Variants in RPRD1B observed in about 807,000 individuals in gnomAD.
The protein encoded by RPRD1B is regulation of nuclear pre-mRNA domain containing 1B, also known as regulation of nuclear pre-mRNA domain-containing protein 1B.
A neutral mutation model predicts 41.5 loss-of-function variants in RPRD1B; 11 were observed. The ratio of observed to expected loss-of-function variants is 0.27; its 90% confidence interval spans 0.17 to 0.44. RPRD1B has a LOEUF of 0.44. Among genes scored for constraint, RPRD1B ranks in the 20% least tolerant of loss-of-function variants. The probability of loss-of-function intolerance (pLI) is 1.00; values close to 1 mark genes in which losing one functional copy is unlikely to be tolerated. For synonymous variants in RPRD1B, 158 were observed against 155.6 expected (o/e 1.02, Z -0.12); for missense variants, 248 against 389.9 (o/e 0.64, Z 3.06).
At position 38,048,490 on chromosome 20, in the gene RPRD1B, A is replaced by C. The variant is rs942327726; in HGVS notation, c.415+9A>C. 1.3e-6 allele frequency: 2 copies of C among 1,598,268 alleles called. No individual in the cohort carries two copies. Among genetic ancestry groups the C allele is most frequent in the Non-Finnish European group, 1.7e-6 (2 of 1,168,430 alleles). On this transcript the variant is annotated intron_variant, in intron 3 of 6. Coordinates refer to ENST00000373433, the MANE Select transcript of RPRD1B (RefSeq NM_021215.4). ...GAGCCCTCCCCCCAAAGGTAGAAAC[A>C]TCACCACATGTTTACAGCTCTTGGT...
rs979479330 is a variant in RPRD1B, at chr20:38,040,695, G to C, written c.281+131G>C. On this transcript the variant is annotated intron_variant, in intron 2 of 6. Transcript: ENST00000373433. ...TACAGAGAGTTGTGGAGGCCGAATT[G>C]TGGTTTTATGTTTTGTTGAGCCCTC... The C allele has an allele frequency of 2.4e-5, 22 of 922,504 alleles. No homozygotes were observed. The South Asian group carries it at 4.0e-4, about 17-fold the overall frequency. The allele number at this position is 922,504 out of a possible 1,614,324, so 57.1% of individuals were successfully genotyped here.
intron 2 of RPRD1B, among the ~76,000 whole-genome samples, chr20:38,042,584 A>C (rs1600679655): frequency 6.6e-6 from 1 of 151,832 alleles, no homozygotes; most frequent in South Asian, 2.1e-4. Context: ...TTCTGTTTGC[A>C]TTCTGGTTCT....
At chr20:38,070,835 G>C in intron 6 of RPRD1B, 3 of 607,950 alleles carry the variant, frequency 4.9e-6, no homozygotes, top group Non-Finnish European at 6.1e-6. Flanking sequence ...GGGTTCAAGC[G>C]ATTCTCGTGC....
intron 6 of RPRD1B, among the ~76,000 whole-genome samples, chr20:38,082,472 C>T (rs1430146546): frequency 2.0e-5 from 3 of 152,144 alleles, no homozygotes; most frequent in Admixed American, 6.5e-5. Context: ...GTGCAAGCCC[C>T]GCCTCCCAGA....
rs1463011126 is a variant in RPRD1B at position 38,090,765 on chromosome 20, G to A, written c.*890G>A. On this transcript the variant is annotated 3_prime_UTR_variant, in exon 7 of 7. Coordinates refer to ENST00000373433, the MANE Select transcript of RPRD1B (RefSeq NM_021215.4). ...TGCTGCATTTGGGATCTGTGTGGGT[G>A]TTTCTTGGACCCTTTCTTCTGGGAG... 1.0e-6 allele frequency: 1 copy of A among 985,504 alleles called. No individual in the cohort carries two copies. Among genetic ancestry groups the A allele is most frequent in the African/African-American group, 1.7e-5 (1 of 57,378 alleles). 61.0% of individuals were successfully genotyped at this position (985,504 alleles called of 1,614,324 possible).
intron 5 of RPRD1B, among the ~76,000 whole-genome samples, chr20:38,059,730 T>C (rs1568652520): frequency 6.6e-6 from 1 of 152,244 alleles, no homozygotes; most frequent in Admixed American, 6.5e-5. Context: ...CTAGGAATTA[T>C]TGCAGAAATG....
In RPRD1B at chr20:38,033,836, G is replaced by T; in HGVS notation, c.-112G>T. Reference sequence around the variant, plus strand: ...TTCTCGCACCCCTGGCAGTCTGTCAGTCGGTAAAAAGTCCCGCAGCCTGTC... The same window carrying T: ...TTCTCGCACCCCTGGCAGTCTGTCATTCGGTAAAAAGTCCCGCAGCCTGTC... On this transcript the variant is annotated 5_prime_UTR_variant, in exon 1 of 7. Transcript: ENST00000373433. 9.0e-7 allele frequency: 1 copy of T among 1,105,568 alleles called. No individual in the cohort carries two copies. The allele number at this position is 1,105,568 out of a possible 1,614,324, so 68.5% of individuals were successfully genotyped here. A position where few individuals can be genotyped will look rare whatever the true frequency, so the allele number is the denominator to read the frequency against.
intron 5 of RPRD1B, chr20:38,065,855 T>C (rs2074349292): frequency 4.9e-6 from 2 of 406,388 alleles, no homozygotes; most frequent in Admixed American, 4.1e-5. Flanking sequence ...ATTCCCCCCA[T>C]GTACAGCTTC....
intron 2 of RPRD1B, among the ~76,000 whole-genome samples, chr20:38,047,871 A>G (rs1042245454): frequency 5.3e-5 from 8 of 152,190 alleles, no homozygotes; most frequent in African/African-American, 1.7e-4. Flanking sequence ...TGACATATAC[A>G]TGTATGTGAT....
intron 6 of RPRD1B, among the ~76,000 whole-genome samples, chr20:38,086,884 T>TC (rs1366297855): frequency 6.6e-6 from 1 of 152,152 alleles, no homozygotes; most frequent in Non-Finnish European, 1.5e-5. Flanking sequence ...CATGATGGAA[T>TC]CCCCCGTACC....
chr20:38,091,622 C>T lies in RPRD1B; in HGVS notation c.*1747C>T. The T allele has an allele frequency of 1.1e-5, 11 of 985,718 alleles. No homozygotes were observed. Among genetic ancestry groups the T allele is most frequent in the Non-Finnish European group, 1.3e-5 (11 of 830,188 alleles). 61.1% of individuals were successfully genotyped at this position (985,718 alleles called of 1,614,324 possible). On this transcript the variant is annotated 3_prime_UTR_variant, in exon 7 of 7. Coordinates refer to ENST00000373433, the MANE Select transcript of RPRD1B (RefSeq NM_021215.4). ...TTGTAATCTTTGCTGCTGCTGCACT[C>T]CCCAACCTCTCCCCCACCCCCCGTG...
chr20:38,048,563 T>C, intron 3 of RPRD1B, 82 bp downstream of exon 3: 1 of 1,512,908 alleles, frequency 6.6e-7, no homozygotes, highest in East Asian at 2.3e-5. Flanking sequence ...TGGGGTTTGC[T>C]GTGAACCACC....
chr20:38,052,390 A>G (rs1481387181), intron 3 of RPRD1B, among the ~76,000 whole-genome samples: 1 of 152,178 alleles, frequency 6.6e-6, no homozygotes, highest in African/African-American at 2.4e-5. Context: ...CCCTGGGTTT[A>G]TGCCTGGATT....
At chr20:38,066,786 G>A (rs2122738396) in intron 6 of RPRD1B, among the ~76,000 whole-genome samples, 1 of 152,170 alleles carries the variant, frequency 6.6e-6, no homozygotes, top group South Asian at 2.1e-4. Flanking sequence ...CTCCCAAGTA[G>A]CTGGAACTAC....
In RPRD1B at chr20:38,091,463, AT is replaced by A. The variant is rs1334204683; in HGVS notation, c.*1590del. 2.0e-6 allele frequency: 2 copies of A among 985,336 alleles called. No homozygotes were observed. The highest frequency in any genetic ancestry group is 1.7e-5 in the African/African-American group (1 of 57,234). 61.0% of individuals were successfully genotyped at this position (985,336 alleles called of 1,614,324 possible). Reference sequence around the variant, plus strand: ...AGAACCTAGTAGTGTTTGAGCTGTTATTCAGATTTGAATTCAGACTGTGTGT... The same window carrying A: ...AGAACCTAGTAGTGTTTGAGCTGTTATCAGATTTGAATTCAGACTGTGTGT... On this transcript the variant is annotated 3_prime_UTR_variant, in exon 7 of 7. Transcript: ENST00000373433.
At chr20:38,060,830 A>G (rs980876706) in intron 5 of RPRD1B, among the ~76,000 whole-genome samples, 3 of 151,894 alleles carry the variant, frequency 2.0e-5, no homozygotes, top group African/African-American at 7.3e-5. Flanking sequence ...TTTCTTCTTT[A>G]TTCAGATTGG....
chr20:38,080,875 A>G (rs1296253411), intron 6 of RPRD1B, among the ~76,000 whole-genome samples: 1 of 152,002 alleles, frequency 6.6e-6, no homozygotes, highest in Non-Finnish European at 1.5e-5. Flanking sequence ...TGGTCTTTGT[A>G]TCTGTTTTTG....
At chr20:38,080,435 G>A (rs2074502241) in intron 6 of RPRD1B, among the ~76,000 whole-genome samples, 1 of 152,218 alleles carries the variant, frequency 6.6e-6, no homozygotes. Flanking sequence ...AGCTATCCCA[G>A]CACCATTTAT....
rs566792124 is a variant in RPRD1B, at chr20:38,033,766, C to T, written c.-182C>T. 5.1e-6 allele frequency: 3 copies of T among 587,184 alleles called. No homozygotes were observed. The highest frequency in any genetic ancestry group is 6.9e-5 in the Admixed American group (2 of 29,048). The allele number at this position is 587,184 out of a possible 1,614,324, so 36.4% of individuals were successfully genotyped here. A position where few individuals can be genotyped will look rare whatever the true frequency, so the allele number is the denominator to read the frequency against. ...GAGAGGTCGGGTGGCCATCTTGTGG[C>T]GGCGGCGCGGGCGGCTGTTACTGCG... is the stretch of plus-strand genomic sequence containing the variant. On this transcript the variant is annotated 5_prime_UTR_variant, in exon 1 of 7. Transcript: ENST00000373433.
Sources: gnomAD v4.1 joint callset for allele counts (sites outside exome capture counted in the v4.1 genomes callset) on GRCh38, gnomAD v4.1.1 for gene constraint, MANE v1.5 for transcripts, NCBI Gene and HGNC (gene_info 2026-07-23, HGNC 2026-07-21) for gene names.